WDR64: variants seen among roughly 807,000 people sequenced by gnomAD.
WDR64 encodes the protein WD repeat domain 64.
In WDR64, 112 loss-of-function variants were observed where a neutral mutation model predicts 139.3. That is an observed-to-expected ratio of 0.80 (90% confidence interval 0.69 to 0.94). The LOEUF (loss-of-function observed/expected upper bound fraction) is 0.94, where lower values mean the gene tolerates loss of function less well. WDR64 is among the 40% of genes least tolerant of loss of function. The pLI, the probability that WDR64 is intolerant of heterozygous loss-of-function variation, is 0.00. For synonymous variants in WDR64, 444 were observed against 437.7 expected, an observed-to-expected ratio of 1.01 and a Z score of -0.18; for missense variants, 1,206 against 1,293.1, an observed-to-expected ratio of 0.93 and a Z score of 1.03.
At chr1:241,717,739 G>C (rs533255580) in intron 9 of WDR64, among the ~76,000 whole-genome samples, 1 of 151,980 alleles carries the variant, frequency 6.6e-6, no homozygotes, top group Non-Finnish European at 1.5e-5. Flanking sequence ...TTTACAAATA[G>C]TTGTTTACCC....
rs188243677 is a variant in WDR64 at position 241,764,516 on chromosome 1, T to A, written c.1948-1702T>A. On this transcript the variant is annotated intron_variant, in intron 15 of 27. Transcript: ENST00000437684. ...AATTTTTAAAAATTTAAAAAAATTA[T>A]TTGGGTGCAGCGGCGTGCACCTTCA... is the stretch of plus-strand genomic sequence containing the variant. Among the ~76,000 whole-genome samples the A allele has an allele frequency of 2.6e-5, 4 of 152,122 alleles. No individual in the cohort carries two copies. In the East Asian group the frequency reaches 7.8e-4, roughly 30 times the overall value.
intron 21 of WDR64, among the ~76,000 whole-genome samples, chr1:241,775,788 A>G (rs1658636862): frequency 1.3e-5 from 2 of 152,166 alleles, no homozygotes; most frequent in Non-Finnish European, 2.9e-5. Context: ...TGCATGTGTA[A>G]AAAGTTTTAT....
chr1:241,713,102 C>A (rs1171247695), intron 9 of WDR64, among the ~76,000 whole-genome samples: 1 of 151,212 alleles, frequency 6.6e-6, no homozygotes, highest in African/African-American at 2.4e-5. Context: ...AGCCCAGGAG[C>A]TCAAGACTAG....
rs1358566048 is a variant in WDR64 at position 241,757,592 on chromosome 1, A to G, written c.1947+133A>G. On this transcript the variant is annotated intron_variant, in intron 15 of 27. Coordinates refer to ENST00000437684, the MANE Select transcript of WDR64 (RefSeq NM_001367482.1). ...ACTCAGCTTCGAGAACTTTCTGTATATGACCAAACTTACTCCTTATTTCCA... is the reference window on the plus strand; with the variant it reads ...ACTCAGCTTCGAGAACTTTCTGTATGTGACCAAACTTACTCCTTATTTCCA... 5 of 680,290 alleles carry G rather than the reference A, an allele frequency of 7.3e-6. No individual in the cohort carries two copies. In the South Asian group the frequency reaches 8.2e-5, roughly 11 times the overall value. The allele number at this position is 680,290 out of a possible 1,614,324, so 42.1% of individuals were successfully genotyped here. A position where few individuals can be genotyped will look rare whatever the true frequency, so the allele number is the denominator to read the frequency against.
intron 21 of WDR64, among the ~76,000 whole-genome samples, chr1:241,779,251 ATTT>A (rs916645873): frequency 1.3e-5 from 2 of 149,656 alleles, no homozygotes; most frequent in African/African-American, 4.9e-5. Context: ...GTTTGTGTTC[ATTT>A]TTTTTTCCTC....
intron 8 of WDR64, among the ~76,000 whole-genome samples, chr1:241,694,989 T>C (rs1050838367): frequency 2.0e-5 from 3 of 152,130 alleles, no homozygotes; most frequent in African/African-American, 7.2e-5. Context: ...AGACATAAAG[T>C]CAGTGGTATG....
chr1:241,731,928 GTACTGTCA>G (rs1269906812), intron 10 of WDR64, among the ~76,000 whole-genome samples: 2 of 152,072 alleles, frequency 1.3e-5, no homozygotes, highest in Non-Finnish European at 2.9e-5. Flanking sequence ...CATTTATACT[GTACTGTCA>G]TACTGTCATA....
chr1:241,767,751 C>A (rs1658244916), intron 16 of WDR64, among the ~76,000 whole-genome samples: 1 of 152,164 alleles, frequency 6.6e-6, no homozygotes, highest in Non-Finnish European at 1.5e-5. Context: ...AGGAAATAAT[C>A]ATTTATTGCT....
At chr1:241,687,875 A>C (rs955055746) in intron 8 of WDR64, among the ~76,000 whole-genome samples, 5 of 152,186 alleles carry the variant, frequency 3.3e-5, no homozygotes, top group African/African-American at 7.2e-5. Flanking sequence ...ACATATTTCA[A>C]AATATAGTTC....
At chr1:241,772,249 C>T (rs72770245) in intron 19 of WDR64, among the ~76,000 whole-genome samples, 25,393 of 143,990 alleles carry the variant, frequency 0.18, 2,585 homozygotes, top group African/African-American at 0.26. Flanking sequence ...TCAAAATAAA[C>T]GTTTTATATT....
At chr1:241,669,498 T>TA (rs1237690433) in intron 2 of WDR64, among the ~76,000 whole-genome samples, 1 of 152,180 alleles carries the variant, frequency 6.6e-6, no homozygotes, top group African/African-American at 2.4e-5. Context: ...TTTGTACCCA[T>TA]AAAAAATGAG....
At chr1:241,671,045 A>T (rs550482484) in intron 2 of WDR64, 29 bp from the exon 3 acceptor site, 382 of 1,436,842 alleles carry the variant, frequency 2.7e-4, no homozygotes, top group Non-Finnish European at 3.5e-4. Flanking sequence ...GGCATGCTGC[A>T]TATTTATATG....
chr1:241,735,250 A>G (rs1181982946), intron 10 of WDR64, among the ~76,000 whole-genome samples: 1 of 152,158 alleles, frequency 6.6e-6, no homozygotes, highest in Non-Finnish European at 1.5e-5. Context: ...TTTGTTTTAA[A>G]TGCTGATGGA....
chr1:241,655,532 C>T (rs1048804649), intron 1 of WDR64, among the ~76,000 whole-genome samples: 3 of 152,146 alleles, frequency 2.0e-5, no homozygotes, highest in Admixed American at 2.0e-4. Flanking sequence ...ACTAACAAAG[C>T]ATGCAAGGTC....
At chr1:241,716,975 G>A (rs1354297710) in intron 9 of WDR64, among the ~76,000 whole-genome samples, 1 of 152,060 alleles carries the variant, frequency 6.6e-6, no homozygotes, top group Non-Finnish European at 1.5e-5. Flanking sequence ...TTTTCTTCTG[G>A]GGATATAGCC....
intron 9 of WDR64, among the ~76,000 whole-genome samples, chr1:241,713,508 A>G (rs1189273553): frequency 8.2e-6 from 1 of 121,398 alleles, no homozygotes; most frequent in Non-Finnish European, 1.7e-5. Context: ...GAAAGAAAAA[A>G]GAAAGAAAGA....
At chr1:241,745,882 A>T (rs1669737723) in intron 13 of WDR64, among the ~76,000 whole-genome samples, 1 of 152,140 alleles carries the variant, frequency 6.6e-6, no homozygotes, top group Non-Finnish European at 1.5e-5. Context: ...GCTGAGGAGT[A>T]CGTCTCTCTG....
intron 15 of WDR64, among the ~76,000 whole-genome samples, chr1:241,762,401 C>T (rs913040459): frequency 2.0e-5 from 3 of 152,198 alleles, no homozygotes; most frequent in African/African-American, 7.2e-5. Context: ...GCTTACACCT[C>T]CTCAACAAGG....
At chr1:241,734,099 T>C (rs1228582413) in intron 10 of WDR64, among the ~76,000 whole-genome samples, 1 of 152,158 alleles carries the variant, frequency 6.6e-6, no homozygotes, top group Non-Finnish European at 1.5e-5. Flanking sequence ...CTCACTGAGA[T>C]AAATGCATAT....
Sources: allele counts gnomAD v4.1 joint callset (sites outside exome capture counted in the v4.1 genomes callset), GRCh38; gene constraint gnomAD v4.1.1; transcripts MANE v1.5; gene names NCBI Gene and HGNC (gene_info 2026-07-23, HGNC 2026-07-21).